NEURL1: variants seen among roughly 807,000 people sequenced by gnomAD.
The protein encoded by NEURL1 is E3 ubiquitin-protein ligase NEURL1.
Under a neutral mutation model 41.2 loss-of-function variants are expected in NEURL1, and 26 were observed. The ratio of observed to expected loss-of-function variants is 0.63; its 90% CI spans 0.46 to 0.87. NEURL1 has a LOEUF of 0.87. Among genes scored for constraint, NEURL1 ranks in the 40% least tolerant of loss-of-function variants. The pLI is 0.00. For missense variants in NEURL1, 761 were observed against 871.1 expected, an observed-to-expected ratio of 0.87 and a Z score of 1.59; for synonymous variants, 400 against 402.3, an observed-to-expected ratio of 0.99 and a Z score of 0.07.
In NEURL1 at chr10:103,570,236, C is replaced by T. The variant is rs577039198; in HGVS notation, c.86-636C>T. On this transcript the variant is annotated intron_variant, in intron 1 of 5. Transcript: ENST00000369780. ...TTGGGCATGGATCTTGGGGGCCCCACCAGAGTCCCCAGCCCCTGAGGCTGT... is the reference window on the plus strand; with the variant it reads ...TTGGGCATGGATCTTGGGGGCCCCATCAGAGTCCCCAGCCCCTGAGGCTGT... Among the ~76,000 whole-genome samples the T allele has an allele frequency of 2.0e-4, 30 of 152,252 alleles. 1 individual carries two copies. The highest frequency in any genetic ancestry group is 1.7e-3 in the South Asian group (8 of 4,816).
intron 1 of NEURL1, among the ~76,000 whole-genome samples, chr10:103,537,411 A>T (rs1418860899): frequency 6.6e-6 from 1 of 151,884 alleles, no homozygotes; most frequent in Non-Finnish European, 1.5e-5. Flanking sequence ...TCTTATATAT[A>T]TTTTTTGAGA....
rs149249102 is a variant in NEURL1 at position 103,566,891 on chromosome 10, C to T, written c.86-3981C>T. Among the ~76,000 whole-genome samples the T allele has an allele frequency of 2.0e-5, 3 of 152,040 alleles. No homozygotes were observed. The highest frequency in any genetic ancestry group is 1.9e-4 in the East Asian group (1 of 5,188). ...CATATACATATATGTATCATAGAGA[C>T]AACATAATAGAATGCCATGTATTGC... On this transcript the variant is annotated intron_variant, in intron 1 of 5. Transcript: ENST00000369780. The surrounding 1 kb of genome is among the most constrained non-coding windows in gnomAD (Gnocchi z 4.2).
At chr10:103,573,553 G>A (rs2035593749) in intron 3 of NEURL1, among the ~76,000 whole-genome samples, 1 of 152,122 alleles carries the variant, frequency 6.6e-6, no homozygotes, top group Non-Finnish European at 1.5e-5. Flanking sequence ...GTGCTGCTCT[G>A]GTATCCTCAG....
At chr10:103,563,943 C>T (rs893725639) in intron 1 of NEURL1, among the ~76,000 whole-genome samples, 2 of 152,212 alleles carry the variant, frequency 1.3e-5, no homozygotes, top group Non-Finnish European at 2.9e-5. Flanking sequence ...CCCTTGAAGC[C>T]ATGAGAGGCT....
intron 1 of NEURL1, among the ~76,000 whole-genome samples, chr10:103,505,905 C>T (rs1175496061): frequency 6.6e-6 from 1 of 152,226 alleles, no homozygotes; most frequent in African/African-American, 2.4e-5. Context: ...GTGTCCCACC[C>T]GCTTCTCACT....
chr10:103,539,241 C>G (rs2034767623), intron 1 of NEURL1, among the ~76,000 whole-genome samples: 1 of 152,222 alleles, frequency 6.6e-6, no homozygotes, highest in East Asian at 1.9e-4. Flanking sequence ...CCACTGCACC[C>G]AGCCAATGAG....
chr10:103,575,189 A>G lies in NEURL1; in HGVS notation c.649+3367A>G, dbSNP rs1037468455. Among the ~76,000 whole-genome samples, 3 of 143,700 alleles carry G rather than the reference A, an allele frequency of 2.1e-5. No individual in the cohort carries two copies. The Admixed American group carries it at 2.1e-4, about 10-fold the overall frequency. The allele number at this position is 143,700 out of a possible 152,430, so 94.3% of individuals were successfully genotyped here. On this transcript the variant is annotated intron_variant, in intron 3 of 5. Coordinates refer to ENST00000369780, the MANE Select transcript of NEURL1 (RefSeq NM_004210.5). ...CCACTTCCCGCCCCTCCCTCTCTCC[A>G]TCACCTGCACCTTTACTGCACCTGT...
In NEURL1 at chr10:103,493,797, A is replaced by C. The variant is rs947737878; in HGVS notation, c.-591A>C. On this transcript the variant is annotated 5_prime_UTR_variant, in exon 1 of 6. Coordinates refer to ENST00000369780, the MANE Select transcript of NEURL1 (RefSeq NM_004210.5). Reference sequence around the variant, plus strand: ...GGCGGGGGGCGGGGGCGGCGGTCGCAGGAGGGACCCGGCGCGGGCGGGACC... The same window carrying C: ...GGCGGGGGGCGGGGGCGGCGGTCGCCGGAGGGACCCGGCGCGGGCGGGACC... Among the ~76,000 whole-genome samples, 6 of 149,884 alleles carry C rather than the reference A, an allele frequency of 4.0e-5. No homozygotes were observed. The highest frequency in any genetic ancestry group is 8.9e-5 in the Non-Finnish European group (6 of 67,176).
intron 1 of NEURL1, chr10:103,550,727 A>C (rs1256738317): frequency 6.6e-6 from 1 of 152,222 alleles, no homozygotes; most frequent in Non-Finnish European, 1.5e-5. Context: ...TCTAAGCAAG[A>C]GGGGCCCCTG....
chr10:103,555,403 C>T (rs1361529676), intron 1 of NEURL1: 1 of 1,360,132 alleles, frequency 7.4e-7, no homozygotes, highest in Non-Finnish European at 9.8e-7. Flanking sequence ...TCACCCGGAG[C>T]ACTCTCCACG....
chr10:103,519,183 G>A (rs994364147), intron 1 of NEURL1, among the ~76,000 whole-genome samples: 1 of 152,024 alleles, frequency 6.6e-6, no homozygotes, highest in Non-Finnish European at 1.5e-5. Flanking sequence ...GAAGATGGAG[G>A]TTGCAGTGAG....
chr10:103,587,328 T>G (rs949484658), intron 4 of NEURL1, among the ~76,000 whole-genome samples: 1 of 151,902 alleles, frequency 6.6e-6, no homozygotes, highest in Non-Finnish European at 1.5e-5. Context: ...CCCAAAGAGG[T>G]TTACTAGACT....
rs187070514 is a variant in NEURL1 at position 103,508,670 on chromosome 10, A to T, written c.85+14198A>T. Among the ~76,000 whole-genome samples the T allele has an allele frequency of 6.6e-6, 1 of 152,274 alleles. No homozygotes were observed. Among genetic ancestry groups the T allele is most frequent in the African/African-American group, 2.4e-5 (1 of 41,560 alleles). On this transcript the variant is annotated intron_variant, in intron 1 of 5. Transcript: ENST00000369780. The surrounding 1 kb of genome is among the most constrained non-coding windows in gnomAD (Gnocchi z 4.3). ...CTGTGGGACTGAGGAGACCAGCCAG[A>T]CATGCAGACCCTGATGTGGGCCCAG... is the stretch of plus-strand genomic sequence containing the variant.
chr10:103,554,986 G>C (rs2035113940), intron 1 of NEURL1, among the ~76,000 whole-genome samples: 1 of 152,200 alleles, frequency 6.6e-6, no homozygotes, highest in Admixed American at 6.5e-5. Context: ...ATGTGTGTGC[G>C]TGTGCGCGCC....
chr10:103,554,883 A>G (rs1052054684), intron 1 of NEURL1, among the ~76,000 whole-genome samples: 1 of 152,132 alleles, frequency 6.6e-6, no homozygotes. Flanking sequence ...TAGTAGGTGC[A>G]TGAGGCTAGT....
At chr10:103,571,937 C>A in intron 3 of NEURL1, 115 bp downstream of exon 3, 2 of 1,045,498 alleles carry the variant, frequency 1.9e-6, no homozygotes, top group Non-Finnish European at 2.7e-6. Flanking sequence ...TGACTGGTGC[C>A]AAGGGGAACC....
At chr10:103,527,305 T>TG (rs2034481178) in intron 1 of NEURL1, among the ~76,000 whole-genome samples, 1 of 150,964 alleles carries the variant, frequency 6.6e-6, no homozygotes, top group Non-Finnish European at 1.5e-5. Flanking sequence ...TTTTGGTTTT[T>TG]TTTTTTTGAG....
chr10:103,537,878 A>G (rs1237006202), intron 1 of NEURL1, among the ~76,000 whole-genome samples: 11 of 152,062 alleles, frequency 7.2e-5, no homozygotes, highest in Middle Eastern at 3.2e-3. Flanking sequence ...TGCCTTAAAT[A>G]ATCCCCTCTC....
At chr10:103,547,995 C>A (rs2034957924) in intron 1 of NEURL1, among the ~76,000 whole-genome samples, 1 of 152,154 alleles carries the variant, frequency 6.6e-6, no homozygotes, top group East Asian at 1.9e-4. Context: ...CCCTCCCCAT[C>A]CAGGTTCTGG....
Sources: allele counts gnomAD v4.1 joint callset (sites outside exome capture counted in the v4.1 genomes callset), GRCh38; gene constraint gnomAD v4.1.1; non-coding constraint Gnocchi (gnomAD v3.1); transcripts MANE v1.5; gene names NCBI Gene and HGNC (gene_info 2026-07-23, HGNC 2026-07-21).